NOP53: variants seen among roughly 807,000 people sequenced by gnomAD.
NOP53 encodes NOP53 ribosome biogenesis factor.
NOP53 carries 40 observed loss-of-function variants against 61.0 expected under a neutral mutation model. The ratio of observed to expected loss-of-function variants is 0.66; its 90% CI spans 0.51 to 0.85. NOP53 has a LOEUF of 0.85. NOP53 is among the 40% of genes least tolerant of loss of function. The pLI, the probability that NOP53 is intolerant of heterozygous loss-of-function variation, is 0.00. For missense variants in NOP53, 689 were observed against 652.9 expected (o/e 1.06, Z -0.60); for synonymous variants, 308 against 289.5 (o/e 1.06, Z -0.65).
intron 3 of NOP53, among the ~76,000 whole-genome samples, chr19:47,750,507 G>C (rs565427656): frequency 2.2e-4 from 33 of 152,210 alleles, no homozygotes; most frequent in Non-Finnish European, 4.0e-4. Flanking sequence ...CGGGGTTGGA[G>C]AGGAGGGGCT....
In NOP53 at chr19:47,756,532, AG is replaced by A. The variant is rs1967202035; in HGVS notation, c.1304del (p.Gly435AlafsTer16). The A allele has an allele frequency of 6.2e-7, 1 of 1,613,394 alleles. No individual in the cohort carries two copies. Among genetic ancestry groups the A allele is most frequent in the Non-Finnish European group, 8.5e-7 (1 of 1,179,638 alleles). ...LTDSLRTLKPEGNILRDRFKS... is the reference protein window; with the variant it reads ...LTDSLRTLKPXGNILRDRFKS... ...GCCTCCCTCTCTGTCCTGTAGCCCG[AG>A]GGCAACATCCTTCGAGACCGGTTCA... is the stretch of plus-strand genomic sequence containing the variant. On this transcript the variant is annotated frameshift_variant, in exon 11 of 13. Transcript: ENST00000246802. LOFTEE classifies it high-confidence loss of function.
At chr19:47,755,938 G>A (rs779774207) in intron 10 of NOP53, 116 bp downstream of exon 10, 11 of 802,764 alleles carry the variant, frequency 1.4e-5, no homozygotes, top group Non-Finnish European at 1.9e-5. Context: ...GGGCCAGTGG[G>A]GCCAATGCCC....
In NOP53 at chr19:47,750,900, C is replaced by T; in HGVS notation, c.399-8C>T. 3 of 1,576,464 alleles carry T rather than the reference C, an allele frequency of 1.9e-6. No homozygotes were observed. The highest frequency in any genetic ancestry group is 1.2e-5 in the South Asian group (1 of 85,920). On this transcript the variant is annotated splice_polypyrimidine_tract_variant and splice_region_variant and intron_variant, in intron 3 of 12. Coordinates refer to ENST00000246802, the MANE Select transcript of NOP53 (RefSeq NM_015710.5). ...CCTGCTGCACTTGTGCCCCCTCTCC[C>T]CGACCAGCGTCCTCGCCCACCAGGT...
intron 5 of NOP53, among the ~76,000 whole-genome samples, chr19:47,752,138 A>T (rs550347776): frequency 1.2e-4 from 18 of 152,196 alleles, no homozygotes; most frequent in Admixed American, 3.9e-4. Flanking sequence ...ATACAGATGA[A>T]ATTGTACTTA....
At chr19:47,747,108 TTAA>T (rs1967074498) in intron 2 of NOP53, 77 bp downstream of exon 2, 12 of 1,169,716 alleles carry the variant, frequency 1.0e-5, no homozygotes, top group Non-Finnish European at 1.4e-5. Context: ...GAGATCTGTG[TTAA>T]TGATGTGGCT....
intron 10 of NOP53, chr19:47,756,253 C>T (rs1395520013): frequency 1.8e-6 from 1 of 558,340 alleles, no homozygotes; most frequent in Non-Finnish European, 3.2e-6. Context: ...CCTTCTCCCT[C>T]TGATCCAGCC....
chr19:47,746,938 G>A, intron 1 of NOP53, 29 bp from the exon 2 acceptor site: 3 of 1,590,160 alleles, frequency 1.9e-6, no homozygotes, highest in Non-Finnish European at 2.6e-6. Context: ...CAACATCTCT[G>A]GCTGATGTTC....
intron 3 of NOP53, 100 bp downstream of exon 3, chr19:47,750,386 T>C: frequency 1.4e-6 from 1 of 740,282 alleles, no homozygotes; most frequent in South Asian, 1.5e-5. Flanking sequence ...ATTTGAAGGG[T>C]AGGGCAGGCT....
intron 2 of NOP53, among the ~76,000 whole-genome samples, chr19:47,748,674 C>T (rs1967091491): frequency 6.6e-6 from 1 of 152,034 alleles, no homozygotes. Flanking sequence ...TGGGGCGGAT[C>T]ACTTGAGGTC....
chr19:47,756,425 G>T (rs936482349), intron 10 of NOP53, 103 bp from the exon 11 acceptor site: 1 of 864,456 alleles, frequency 1.2e-6, no homozygotes, highest in Non-Finnish European at 1.8e-6. Flanking sequence ...GGCTGCCCTG[G>T]GGGGAGACTG....
chr19:47,748,103 T>G (rs1337811481), intron 2 of NOP53, among the ~76,000 whole-genome samples: 1 of 151,158 alleles, frequency 6.6e-6, no homozygotes, highest in Admixed American at 6.6e-5. Context: ...TTCTGTATTT[T>G]TAGTAGAGAT....
At chr19:47,751,237 A>C (rs1967121473) in intron 4 of NOP53, 130 bp downstream of exon 4, 2 of 868,654 alleles carry the variant, frequency 2.3e-6, no homozygotes, top group Admixed American at 2.5e-5. Flanking sequence ...CTCCCAGCAG[A>C]GTCGTGCGTC....
Position 47,754,213 on chromosome 19 carries a change from G to A in NOP53, c.766-314G>A. ...AATCGCTTGAACCCAGGAGGCGGGG[G>A]TTGTGGTGAGCTGAGATCACACCAT... On this transcript the variant is annotated intron_variant, in intron 6 of 12. Transcript: ENST00000246802. This position sits in a 1 kb window ranked among gnomAD's most constrained non-coding sequence, Gnocchi z 4.2. 3.2e-6 allele frequency: 1 copy of A among 308,742 alleles called. No homozygotes were observed. The highest frequency in any genetic ancestry group is 6.0e-6 in the Non-Finnish European group (1 of 166,010). The allele number at this position is 308,742 out of a possible 1,614,324, so 19.1% of individuals were successfully genotyped here. A position where few individuals can be genotyped will look rare whatever the true frequency, so the allele number is the denominator to read the frequency against.
At position 47,746,840 on chromosome 19, in the gene NOP53, G is replaced by A. The variant is rs114642393; in HGVS notation, c.225-127G>A. The A allele has an allele frequency of 3.2e-3, 2,361 of 739,828 alleles. 10 individuals are homozygous for A. The highest frequency in any genetic ancestry group is 4.6e-3 in the Non-Finnish European group (1,995 of 430,516). 45.8% of individuals were successfully genotyped at this position (739,828 alleles called of 1,614,324 possible). On this transcript the variant is annotated intron_variant, in intron 1 of 12. Transcript: ENST00000246802. ...TACTAAGTTCTGTAAACTGCTGGGC[G>A]AAGCCTTAGCCTGGAAGAGTCCGGT...
Position 47,747,032 on chromosome 19 carries a change from G to A in NOP53, c.289+1G>A, listed in dbSNP as rs2123669990. The A allele has an allele frequency of 6.2e-7, 1 of 1,612,898 alleles. No homozygotes were observed. Among genetic ancestry groups the A allele is most frequent in the East Asian group, 2.2e-5 (1 of 44,872 alleles). On this transcript the variant is annotated splice_donor_variant, in intron 2 of 12. Transcript: ENST00000246802. LOFTEE classifies it high-confidence loss of function. ...GTGGACACTGGCTCCAAGGAAAAAGGTGAGGAGAGGCTTTTGTGGTGTGGA... is the reference window on the plus strand; with the variant it reads ...GTGGACACTGGCTCCAAGGAAAAAGATGAGGAGAGGCTTTTGTGGTGTGGA...
At position 47,754,549 on chromosome 19, in the gene NOP53, A is replaced by T. The variant is rs1967163284; in HGVS notation, c.788A>T (p.Glu263Val). 1 of 1,551,772 alleles carries T rather than the reference A, an allele frequency of 6.4e-7. No individual in the cohort carries two copies. Residue 263 changes from glutamate (E) to valine (V), a missense_variant, in exon 7 of 13, where the codon GAG (glutamate) becomes GTG (valine). Physicochemically the swap from Glu to Val is moderately radical, Grantham distance 121. Transcript: ENST00000246802. This position sits in a 1 kb window ranked among gnomAD's most constrained non-coding sequence, Gnocchi z 4.2. ...CAGACCCTGCTCTCAGCGGCCCACGAGGTGGAGTTGCAGCGGCAGAAGGAG... is the reference window on the plus strand; with the variant it reads ...CAGACCCTGCTCTCAGCGGCCCACGTGGTGGAGTTGCAGCGGCAGAAGGAG... ...DHQTLLSAAH[E>V]VELQRQKEAE...
chr19:47,752,006 C>G (rs904881590), intron 5 of NOP53, among the ~76,000 whole-genome samples: 5 of 152,000 alleles, frequency 3.3e-5, no homozygotes, highest in African/African-American at 1.2e-4. Context: ...ATTAGGGAGG[C>G]TGAGGCAGGA....
Position 47,755,008 on chromosome 19 carries a change from G to A in NOP53, c.1053+117G>A. On this transcript the variant is annotated intron_variant, in intron 8 of 12. Transcript: ENST00000246802. Reference sequence around the variant, plus strand: ...CCTGCACACCCCAAGCCCCGCATGTGGCCTGTGGTTTGGGCTGTTTGGGAT... The same window carrying A: ...CCTGCACACCCCAAGCCCCGCATGTAGCCTGTGGTTTGGGCTGTTTGGGAT... The A allele has an allele frequency of 4.0e-6, 4 of 988,934 alleles. No homozygotes were observed. The East Asian group carries it at 1.1e-4, about 28-fold the overall frequency. The allele number at this position is 988,934 out of a possible 1,614,324, so 61.3% of individuals were successfully genotyped here.
Position 47,750,857 on chromosome 19 carries a change from G to A in NOP53, c.399-51G>A, listed in dbSNP as rs146232605. 2,775 of 1,492,934 alleles carry A rather than the reference G, an allele frequency of 1.9e-3. 47 individuals are homozygous for A. In the African/African-American group the frequency reaches 0.03, roughly 16 times the overall value. The allele number at this position is 1,492,934 out of a possible 1,614,324, so 92.5% of individuals were successfully genotyped here. ...CCGACGGGGAGGAGGCCCTGCTGCC[G>A]TTCAGGCTGCCACCTCACCTGCTGC... On this transcript the variant is annotated intron_variant, in intron 3 of 12. Coordinates refer to ENST00000246802, the MANE Select transcript of NOP53 (RefSeq NM_015710.5).
Sources: allele counts gnomAD v4.1 joint callset (sites outside exome capture counted in the v4.1 genomes callset), GRCh38; gene constraint gnomAD v4.1.1; non-coding constraint Gnocchi (gnomAD v3.1); transcripts MANE v1.5; gene names NCBI Gene and HGNC (gene_info 2026-07-23, HGNC 2026-07-21).